ZBTB40: variants seen among roughly 807,000 people sequenced by gnomAD.
The protein encoded by ZBTB40 is zinc finger and BTB domain-containing protein 40.
ZBTB40 carries 60 observed loss-of-function variants against 117.5 expected under a neutral mutation model. That is an observed-to-expected ratio of 0.51 (90% CI 0.41 to 0.63). ZBTB40 has a LOEUF of 0.63. ZBTB40 is among the 30% of genes least tolerant of loss of function. The probability of loss-of-function intolerance (pLI) is 0.00; values close to 1 mark genes in which losing one functional copy is unlikely to be tolerated. For synonymous variants in ZBTB40, 525 were observed against 577.1 expected (o/e 0.91, Z 1.29); for missense variants, 1,287 against 1,498.5 (o/e 0.86, Z 2.33).
At chr1:22,500,307 C>G (rs376924016) in intron 3 of ZBTB40, among the ~76,000 whole-genome samples, 1 of 152,042 alleles carries the variant, frequency 6.6e-6, no homozygotes, top group South Asian at 2.1e-4. Context: ...GTTTTATATG[C>G]GCCCCTGAGA....
Position 22,508,864 on chromosome 1 carries a change from G to A in ZBTB40, c.1699+133G>A, listed in dbSNP as rs112187042. The A allele has an allele frequency of 1.2e-4, 136 of 1,123,416 alleles. No homozygotes were observed. The African/African-American group carries it at 1.8e-3, about 15-fold the overall frequency. The allele number at this position is 1,123,416 out of a possible 1,614,324, so 69.6% of individuals were successfully genotyped here. On this transcript the variant is annotated intron_variant, in intron 8 of 17. Transcript: ENST00000375647. ...ATTAGAAGTAAGGACTGGCAGTTTTGTTCAAGGACACAAGAGTTTGTAAAC... is the reference window on the plus strand; with the variant it reads ...ATTAGAAGTAAGGACTGGCAGTTTTATTCAAGGACACAAGAGTTTGTAAAC...
chr1:22,503,753 C>T lies in ZBTB40; in HGVS notation c.1167+1312C>T, dbSNP rs571177550. 6.6e-5 allele frequency among the ~76,000 whole-genome samples: 10 copies of T among 151,960 alleles called. No individual in the cohort carries two copies. In the East Asian group the frequency reaches 1.9e-3, roughly 29 times the overall value. On this transcript the variant is annotated intron_variant, in intron 5 of 17. Coordinates refer to ENST00000375647, the MANE Select transcript of ZBTB40 (RefSeq NM_014870.4). ...AGATTAAACTTCTGTTTTTTTTCTC[C>T]TTAGTCTTCAAATTAAGTGTAATTT...
In ZBTB40 at chr1:22,520,226, A is replaced by T. The variant is rs1488804528; in HGVS notation, c.2999A>T (p.His1000Leu). 1 of 1,613,874 alleles carries T rather than the reference A, an allele frequency of 6.2e-7. No individual in the cohort carries two copies. Among genetic ancestry groups the T allele is most frequent in the Non-Finnish European group, 8.5e-7 (1 of 1,179,964 alleles). Residue 1000 changes from histidine to leucine, a missense_variant, in exon 14 of 18, where the codon CAC becomes CTC. This residue lies in a region of ZBTB40 where 417 missense variants were observed against 564.1 expected (regional missense o/e 0.74). Coordinates refer to ENST00000375647, the MANE Select transcript of ZBTB40 (RefSeq NM_014870.4). ...PSMLERHVVT[H>L]VGGKPFSCGI... ...ATGCTGGAGCGGCACGTGGTGACCC[A>T]CGTTGGAGGGAAGCCCTTCAGCTGC...
chr1:22,501,435 G>C, intron 3 of ZBTB40, 57 bp from the exon 4 acceptor site: 1 of 1,595,328 alleles, frequency 6.3e-7, no homozygotes, highest in Non-Finnish European at 8.6e-7. Context: ...CAAATGCAAG[G>C]AGCGGATGGT....
chr1:22,524,869 G>A (rs994137863), intron 17 of ZBTB40, among the ~76,000 whole-genome samples: 1 of 152,112 alleles, frequency 6.6e-6, no homozygotes, highest in African/African-American at 2.4e-5. Context: ...CTTTACCTGG[G>A]CAAAAAAACC....
At chr1:22,436,161 C>T (rs1640667343) in intron 1 of ZBTB40, among the ~76,000 whole-genome samples, 1 of 152,088 alleles carries the variant, frequency 6.6e-6, no homozygotes, top group South Asian at 2.1e-4. Context: ...TCTTCACATT[C>T]CTAAGTGTTT....
intron 5 of ZBTB40, among the ~76,000 whole-genome samples, chr1:22,503,957 A>G (rs1055661113): frequency 1.3e-5 from 2 of 152,230 alleles, no homozygotes; most frequent in Non-Finnish European, 2.9e-5. Flanking sequence ...ACTCAGCTTC[A>G]TTCTCTGCAG....
At chr1:22,454,184 C>T (rs1045056759) in intron 1 of ZBTB40, among the ~76,000 whole-genome samples, 1 of 152,162 alleles carries the variant, frequency 6.6e-6, no homozygotes, top group South Asian at 2.1e-4. Flanking sequence ...AAGTCTTGAC[C>T]TCAAGTGATC....
chr1:22,526,477 G>A lies in ZBTB40; in HGVS notation c.*81G>A. ...AGCTTGCCCTTTGCCCTCCATCCCT[G>A]GCTGTCCTGAGTGGTGAGCATCTTA... On this transcript the variant is annotated 3_prime_UTR_variant, in exon 18 of 18. Transcript: ENST00000375647. 1.3e-6 allele frequency: 2 copies of A among 1,578,292 alleles called. No individual in the cohort carries two copies. Among genetic ancestry groups the A allele is most frequent in the Non-Finnish European group, 1.7e-6 (2 of 1,154,618 alleles).
chr1:22,469,395 C>T lies in ZBTB40; in HGVS notation c.-70+17391C>T, dbSNP rs145879722. Among the ~76,000 whole-genome samples the T allele has an allele frequency of 9.2e-4, 140 of 152,266 alleles. 3 individuals are homozygous for T. The East Asian group carries it at 0.024, about 26-fold the overall frequency. ...TGTTCGCAGGTGTGATCAAAGAGCA[C>T]TACAGCCTTGGCCTCCTGGCCTCAA... On this transcript the variant is annotated intron_variant, in intron 1 of 17. Coordinates refer to ENST00000375647, the MANE Select transcript of ZBTB40 (RefSeq NM_014870.4).
chr1:22,487,213 C>T (rs1638495543), intron 1 of ZBTB40, among the ~76,000 whole-genome samples: 1 of 152,066 alleles, frequency 6.6e-6, no homozygotes, highest in African/African-American at 2.4e-5. Flanking sequence ...TCCTGACATA[C>T]CAGAATGGAA....
At chr1:22,461,857 A>G (rs909602611) in intron 1 of ZBTB40, among the ~76,000 whole-genome samples, 1 of 152,194 alleles carries the variant, frequency 6.6e-6, no homozygotes, top group African/African-American at 2.4e-5. Context: ...AGTTAAGGTC[A>G]TTCGGCTGAG....
upstream of ZBTB40, among the ~76,000 whole-genome samples, chr1:22,447,459 G>C (rs143538171): frequency 5.5e-4 from 83 of 152,288 alleles, no homozygotes; most frequent in African/African-American, 1.9e-3. Flanking sequence ...ACCTGAGCAA[G>C]TGGGCAGAGA....
intron 7 of ZBTB40, 108 bp downstream of exon 7, chr1:22,508,245 A>G: frequency 2.3e-6 from 3 of 1,332,678 alleles, no homozygotes; most frequent in East Asian, 2.5e-5. Flanking sequence ...ATATGTAGCC[A>G]TGTTGAGAAT....
intron 1 of ZBTB40, among the ~76,000 whole-genome samples, chr1:22,477,045 T>G (rs1289199705): frequency 6.6e-6 from 1 of 152,236 alleles, no homozygotes; most frequent in Non-Finnish European, 1.5e-5. Flanking sequence ...TAGAGACTTT[T>G]ACATTTCAGT....
intron 7 of ZBTB40, 150 bp from the exon 8 acceptor site, chr1:22,508,380 A>G (rs1454986699): frequency 1.5e-5 from 15 of 1,017,026 alleles, no homozygotes; most frequent in Non-Finnish European, 2.3e-5. Flanking sequence ...TTTGTCATGT[A>G]TAAGAAATCT....
At chr1:22,473,188 G>A (rs1234177619) in intron 1 of ZBTB40, among the ~76,000 whole-genome samples, 2 of 152,198 alleles carry the variant, frequency 1.3e-5, no homozygotes, top group Non-Finnish European at 2.9e-5. Flanking sequence ...GTCACCCGGA[G>A]CGTATTAAAA....
chr1:22,501,382 A>G (rs1352336210), intron 3 of ZBTB40, 110 bp from the exon 4 acceptor site: 3 of 1,178,282 alleles, frequency 2.5e-6, no homozygotes, highest in South Asian at 1.3e-5. Flanking sequence ...GAGGAGCTTC[A>G]GGAGAAGCTG....
Position 22,526,260 on chromosome 1 carries a change from C to A in ZBTB40, c.3584C>A (p.Thr1195Asn). Residue 1195 changes from threonine to asparagine, a missense_variant, in exon 18 of 18, where the codon ACC becomes AAC. Physicochemically the swap from Thr to Asn is moderately conservative, Grantham distance 65. Coordinates refer to ENST00000375647, the MANE Select transcript of ZBTB40 (RefSeq NM_014870.4). ...PTEQVITLEETQLAGSQVFVT... is the reference protein window; with the variant it reads ...PTEQVITLEENQLAGSQVFVT... ...GAGCAGGTGATCACTTTGGAGGAGA[C>A]CCAGCTTGCCGGGTCGCAGGTGTTT... The A allele has an allele frequency of 6.2e-7, 1 of 1,614,204 alleles. No individual in the cohort carries two copies. The highest frequency in any genetic ancestry group is 8.5e-7 in the Non-Finnish European group (1 of 1,180,042).
Sources: allele counts gnomAD v4.1 joint callset (sites outside exome capture counted in the v4.1 genomes callset), GRCh38; gene constraint gnomAD v4.1.1; regional missense constraint gnomAD v4.1.1; transcripts MANE v1.5; gene names NCBI Gene and HGNC (gene_info 2026-07-23, HGNC 2026-07-21).